Variants in USP32 observed in about 807,000 individuals in gnomAD.
USP32 encodes the protein ubiquitin specific peptidase 32, also known as ubiquitin carboxyl-terminal hydrolase 32.
USP32 carries 59 observed loss-of-function variants against 204.8 expected under a neutral mutation model. That is an observed-to-expected ratio of 0.29 (90% CI 0.23 to 0.36). USP32 has a LOEUF of 0.36. USP32 is among the 10% of genes least tolerant of loss of function. The pLI, the probability that USP32 is intolerant of heterozygous loss-of-function variation, is 1.00. For missense variants in USP32, 1,160 were observed against 1,946.4 expected (o/e 0.60, Z 7.60); for synonymous variants, 517 against 678.4 (o/e 0.76, Z 3.70).
chr17:60,312,042 G>A (rs1404036299), intron 2 of USP32, among the ~76,000 whole-genome samples: 1 of 152,168 alleles, frequency 6.6e-6, no homozygotes, highest in Non-Finnish European at 1.5e-5. Context: ...TTGAAGCCAG[G>A]CTTTATTAAT....
intron 1 of USP32, among the ~76,000 whole-genome samples, chr17:60,356,881 C>T (rs933658189): frequency 3.3e-5 from 5 of 151,840 alleles, no homozygotes; most frequent in Non-Finnish European, 7.4e-5. Flanking sequence ...TATTTATAAA[C>T]AAGTTCAAAG....
chr17:60,208,359 G>A (rs2145493624), intron 23 of USP32, 149 bp from the exon 24 acceptor site: 1 of 772,580 alleles, frequency 1.3e-6, no homozygotes, highest in Middle Eastern at 4.1e-4. Context: ...AAAACAGATG[G>A]TACTTAGGGA....
intron 2 of USP32, among the ~76,000 whole-genome samples, chr17:60,304,601 T>C (rs2145900843): frequency 6.6e-6 from 1 of 152,168 alleles, no homozygotes; most frequent in East Asian, 1.9e-4. Context: ...GTAAAGTGTC[T>C]TTATAGAATA....
chr17:60,298,311 T>C (rs9909571), intron 3 of USP32, among the ~76,000 whole-genome samples: 18,422 of 152,178 alleles, frequency 0.12, 2,265 homozygotes, highest in African/African-American at 0.31. Flanking sequence ...TTGGGGTATC[T>C]GCTGGAGGCT....
chr17:60,189,081 G>C (rs567024663), intron 29 of USP32, among the ~76,000 whole-genome samples: 2 of 152,370 alleles, frequency 1.3e-5, no homozygotes, highest in Admixed American at 6.5e-5. Flanking sequence ...ATCATTGACA[G>C]TAATGTCTTG....
intron 4 of USP32, among the ~76,000 whole-genome samples, chr17:60,292,041 C>T (rs1470525605): frequency 6.6e-6 from 1 of 151,794 alleles, no homozygotes; most frequent in Non-Finnish European, 1.5e-5. Context: ...CTGCAGATCA[C>T]CAAATTTAAT....
At chr17:60,366,968 A>C (rs555940141) in intron 1 of USP32, among the ~76,000 whole-genome samples, 73 of 151,942 alleles carry the variant, frequency 4.8e-4, no homozygotes, top group Middle Eastern at 6.8e-3. Flanking sequence ...GGACTACAGG[A>C]GCCCGCCACC....
In USP32 at chr17:60,179,118, A is replaced by G. The variant is rs1294887686; in HGVS notation, c.*137T>C. 10 of 1,004,590 alleles carry G rather than the reference A, an allele frequency of 1.0e-5. No homozygotes were observed. In the Admixed American group the frequency reaches 3.1e-4, roughly 31 times the overall value. 62.2% of individuals were successfully genotyped at this position (1,004,590 alleles called of 1,614,324 possible). The stretch of plus-strand genomic sequence containing the variant: ...CTTAAAGTTAACTATTTTAATTAGA[A>G]TTTTTATTTTGTGCTTCAGGGCCAC... On this transcript the variant is annotated 3_prime_UTR_variant, in exon 34 of 34. Transcript: ENST00000300896.
At chr17:60,316,208 C>A (rs2087972823) in intron 2 of USP32, 2 of 227,526 alleles carry the variant, frequency 8.8e-6, no homozygotes, top group South Asian at 5.7e-5. Flanking sequence ...ATATATGGAG[C>A]ACATGCTTAA....
chr17:60,388,276 T>G (rs182309702), intron 1 of USP32, among the ~76,000 whole-genome samples: 2 of 126,140 alleles, frequency 1.6e-5, no homozygotes, highest in Non-Finnish European at 3.1e-5. Flanking sequence ...ATCATTTTAA[T>G]TCAGCCGATT....
intron 2 of USP32, among the ~76,000 whole-genome samples, chr17:60,307,144 G>A (rs1174433024): frequency 6.6e-6 from 1 of 150,702 alleles, no homozygotes; most frequent in East Asian, 1.9e-4. Context: ...GTGTCACCCA[G>A]GCTGGAGTGC....
chr17:60,294,808 A>G lies in USP32; in HGVS notation c.293-7T>C, dbSNP rs2145870890. The G allele has an allele frequency of 1.9e-6, 3 of 1,564,242 alleles. No homozygotes were observed. In the East Asian group the frequency reaches 6.7e-5, roughly 35 times the overall value. On this transcript the variant is annotated splice_region_variant and splice_polypyrimidine_tract_variant and intron_variant, in intron 3 of 33. Coordinates refer to ENST00000300896, the MANE Select transcript of USP32 (RefSeq NM_032582.4). The stretch of plus-strand genomic sequence containing the variant: ...GAAAAAAGACTAAAAATGTCTAAGA[A>G]AAAGAAAGATAGAATAAATTAATCT...
rs560762192 is a variant in USP32 at position 60,403,160 on chromosome 17, C to T, written c.106+19086G>A. ...CTGAGTAGCTGGGTCTACAGGCGCGCGCCACCACGCCCAGCTAATTTTTGT... is the reference window on the plus strand; with the variant it reads ...CTGAGTAGCTGGGTCTACAGGCGCGTGCCACCACGCCCAGCTAATTTTTGT... On this transcript the variant is annotated intron_variant, in intron 1 of 3. Coordinates refer to the USP32 transcript ENST00000588898. 6.6e-5 allele frequency among the ~76,000 whole-genome samples: 10 copies of T among 152,136 alleles called. No homozygotes were observed. In the South Asian group the frequency reaches 1.9e-3, roughly 28 times the overall value.
chr17:60,224,752 C>T (rs192382394), intron 13 of USP32, among the ~76,000 whole-genome samples: 1 of 152,330 alleles, frequency 6.6e-6, no homozygotes, highest in East Asian at 1.9e-4. Context: ...CATTGCACTA[C>T]AGCCTGGGCA....
In USP32 at chr17:60,219,660, C is replaced by A. The variant is rs1414916523; in HGVS notation, c.1867+10G>T. 10 of 1,583,088 alleles carry A rather than the reference C, an allele frequency of 6.3e-6. No individual in the cohort carries two copies. Among genetic ancestry groups the A allele is most frequent in the Non-Finnish European group, 8.6e-6 (10 of 1,163,402 alleles). On this transcript the variant is annotated intron_variant, in intron 16 of 33. Transcript: ENST00000300896. ...TAAATGCTGAGGAAACATTCTCAGG[C>A]TCATCATACCCATATTCACCCAGAT...
chr17:60,420,088 AT>A (rs2090097952), intron 1 of USP32, among the ~76,000 whole-genome samples: 1 of 147,568 alleles, frequency 6.8e-6, no homozygotes, highest in Non-Finnish European at 1.5e-5. Flanking sequence ...ATTTTATTTT[AT>A]TTTATTTGTT....
intron 2 of USP32, among the ~76,000 whole-genome samples, chr17:60,307,310 A>G (rs1318570952): frequency 2.0e-5 from 3 of 152,148 alleles, no homozygotes; most frequent in African/African-American, 7.2e-5. Flanking sequence ...TATGATGGCC[A>G]GGCTGGTCTT....
chr17:60,393,884 A>G (rs2089877876), upstream of USP32, among the ~76,000 whole-genome samples: 1 of 152,030 alleles, frequency 6.6e-6, no homozygotes, highest in Non-Finnish European at 1.5e-5. Context: ...GGGTTTCTCC[A>G]TGTTGGTCAG....
At chr17:60,420,555 T>C (rs1245882443) in intron 1 of USP32, among the ~76,000 whole-genome samples, 1 of 151,982 alleles carries the variant, frequency 6.6e-6, no homozygotes, top group Non-Finnish European at 1.5e-5. Flanking sequence ...TAATCCCAGC[T>C]ACTCGGGAGG....
Sources: allele counts gnomAD v4.1 joint callset (sites outside exome capture counted in the v4.1 genomes callset), GRCh38; gene constraint gnomAD v4.1.1; transcripts MANE v1.5; gene names NCBI Gene and HGNC (gene_info 2026-07-23, HGNC 2026-07-21).